Variants in SCAF8 observed in about 807,000 individuals in gnomAD.
SCAF8 encodes the protein SR-related CTD associated factor 8.
Under a neutral mutation model 140.5 loss-of-function variants are expected in SCAF8, and 23 were observed. That is an observed-to-expected ratio of 0.16 (90% confidence interval 0.12 to 0.23). The LOEUF (loss-of-function observed/expected upper bound fraction) is 0.23. Ranked by LOEUF, SCAF8 falls within the 10% of genes least tolerant of loss-of-function variation. SCAF8 has a pLI of 1.00. For missense variants in SCAF8, 1,397 were observed against 1,555.7 expected (o/e 0.90, Z 1.72); for synonymous variants, 575 against 528.9 (o/e 1.09, Z -1.20).
chr6:154,818,462 A>G lies in SCAF8; in HGVS notation c.1522-17A>G. 6.7e-7 allele frequency: 1 copy of G among 1,482,188 alleles called. No individual in the cohort carries two copies. Among genetic ancestry groups the G allele is most frequent in the Non-Finnish European group, 9.2e-7 (1 of 1,083,318 alleles). The allele number at this position is 1,482,188 out of a possible 1,614,324, so 91.8% of individuals were successfully genotyped here. A position where few individuals can be genotyped will look rare whatever the true frequency, so the allele number is the denominator to read the frequency against. ...TTCTGTTCTTATACCTTTTCTTAAA[A>G]CAATTTTTTTTATTAGATGATTCCT... On this transcript the variant is annotated splice_polypyrimidine_tract_variant and intron_variant, in intron 13 of 19. Coordinates refer to ENST00000367178, the MANE Select transcript of SCAF8 (RefSeq NM_014892.5).
intron 4 of SCAF8, among the ~76,000 whole-genome samples, chr6:154,792,610 T>C (rs962526682): frequency 6.6e-6 from 1 of 152,228 alleles, no homozygotes; most frequent in Non-Finnish European, 1.5e-5. Flanking sequence ...AGCTTTCATT[T>C]ACTTTGTACC....
In SCAF8 at chr6:154,795,040, T is replaced by C; in HGVS notation, c.507T>C (p.Asn169=). ...CTGTGACACCTGTTACTCCGGCCAA[T>C]GTGGTCCAAGGCTTACCTGATCCGT... ...GTPVTPVTPA[N]VVQGLPDPWV... The change falls in exon 6 of 20, where the codon AAT becomes AAC. Residue 169 remains asparagine (N), a synonymous_variant. Transcript: ENST00000367178. The C allele has an allele frequency of 6.2e-7, 1 of 1,610,916 alleles. No individual in the cohort carries two copies.
intron 1 of SCAF8, among the ~76,000 whole-genome samples, chr6:154,745,151 T>C (rs11964437): frequency 6.6e-6 from 1 of 152,220 alleles, no homozygotes; most frequent in Non-Finnish European, 1.5e-5. Context: ...AATCAATTGG[T>C]TACTCCTCTT....
rs200028925 is a variant in SCAF8, at chr6:154,801,957, T to A, written c.607-14T>A. 20 of 1,550,288 alleles carry A rather than the reference T, an allele frequency of 1.3e-5. No individual in the cohort carries two copies. Among genetic ancestry groups the A allele is most frequent in the African/African-American group, 5.6e-5 (4 of 71,766 alleles). ...CCAACACCTGTTTTGTAATATATAT[T>A]TTTTTCTCTCCAGCTTCAACAATTA... On this transcript the variant is annotated splice_polypyrimidine_tract_variant and intron_variant, in intron 6 of 19. Transcript: ENST00000367178.
intron 5 of SCAF8, among the ~76,000 whole-genome samples, chr6:154,794,701 G>A (rs954412455): frequency 2.1e-5 from 3 of 144,210 alleles, no homozygotes; most frequent in African/African-American, 7.7e-5. Context: ...AAGCATAAGT[G>A]GGGACACTAT....
At chr6:154,741,925 C>T (rs759510139) in intron 1 of SCAF8, 21 of 1,481,694 alleles carry the variant, frequency 1.4e-5, no homozygotes, top group Non-Finnish European at 1.5e-5. Context: ...GTTTTGTGTT[C>T]TCAACATCTT....
Position 154,824,447 on chromosome 6 carries a change from T to G in SCAF8, c.2071+69T>G, listed in dbSNP as rs1175924639. On this transcript the variant is annotated intron_variant, in intron 17 of 19. Coordinates refer to ENST00000367178, the MANE Select transcript of SCAF8 (RefSeq NM_014892.5). Reference sequence around the variant, plus strand: ...CATTTAAGTTGTGTTTCTTCCAGATTTAAGTACCATAGAGCAGTGGTTCTG... The same window carrying G: ...CATTTAAGTTGTGTTTCTTCCAGATGTAAGTACCATAGAGCAGTGGTTCTG... 4.3e-6 allele frequency: 6 copies of G among 1,405,358 alleles called. No individual in the cohort carries two copies. In the Admixed American group the frequency reaches 7.0e-5, roughly 16 times the overall value. 87.1% of individuals were successfully genotyped at this position (1,405,358 alleles called of 1,614,324 possible). A position where few individuals can be genotyped will look rare whatever the true frequency, so the allele number is the denominator to read the frequency against.
chr6:154,733,733 TCCCCGCCA>T lies in SCAF8; in HGVS notation c.-167_-160del. The T allele has an allele frequency of 7.5e-7, 1 of 1,327,010 alleles. No homozygotes were observed. Among genetic ancestry groups the T allele is most frequent in the Middle Eastern group, 2.8e-4 (1 of 3,536 alleles). 82.2% of individuals were successfully genotyped at this position (1,327,010 alleles called of 1,614,324 possible). ...GCCGCTCTGCCGCTGAGGGAGCCCTTCCCCGCCAGCGCGTGCCCTTCCACTCCGCCCCG... is the reference window on the plus strand; with the variant it reads ...GCCGCTCTGCCGCTGAGGGAGCCCTTGCGCGTGCCCTTCCACTCCGCCCCG... On this transcript the variant is annotated 5_prime_UTR_variant, in exon 1 of 20. Coordinates refer to ENST00000367178, the MANE Select transcript of SCAF8 (RefSeq NM_014892.5).
At chr6:154,753,445 C>T (rs1024441663) in intron 1 of SCAF8, among the ~76,000 whole-genome samples, 6 of 148,872 alleles carry the variant, frequency 4.0e-5, no homozygotes, top group East Asian at 2.0e-4. Context: ...CCAGCCTGGG[C>T]GACAGAGCAA....
chr6:154,798,110 C>T lies in SCAF8; in HGVS notation c.606+2971C>T, dbSNP rs747314205. ...GTACCTTGTTCTGGAGTATACAAGA[C>T]GAGCAAGAAACATTCTCGGGCCTCT... On this transcript the variant is annotated intron_variant, in intron 6 of 19. Transcript: ENST00000367178. 2.2e-4 allele frequency among the ~76,000 whole-genome samples: 33 copies of T among 151,086 alleles called. 1 individual carries two copies. Among genetic ancestry groups the T allele is most frequent in the Non-Finnish European group, 4.1e-4 (28 of 67,674 alleles).
chr6:154,818,722 T>C lies in SCAF8; in HGVS notation c.1635+130T>C, dbSNP rs926685522. ...TTGGATTATTAGAATGTCTCTGTAT[T>C]ATATTCTTTTTAAATGTTATGGACA... On this transcript the variant is annotated intron_variant, in intron 14 of 19. Coordinates refer to ENST00000367178, the MANE Select transcript of SCAF8 (RefSeq NM_014892.5). 27 of 429,976 alleles carry C rather than the reference T, an allele frequency of 6.3e-5. No individual in the cohort carries two copies. The Admixed American group carries it at 1.1e-3, about 17-fold the overall frequency. The allele number at this position is 429,976 out of a possible 1,614,324, so 26.6% of individuals were successfully genotyped here.
intron 4 of SCAF8, 57 bp from the exon 5 acceptor site, chr6:154,792,766 A>G: frequency 8.2e-7 from 1 of 1,226,334 alleles, no homozygotes; most frequent in East Asian, 2.6e-5. Context: ...CTATGAAATG[A>G]CTGTACTAAG....
At chr6:154,746,648 A>G (rs1019936034) in intron 1 of SCAF8, among the ~76,000 whole-genome samples, 1 of 152,186 alleles carries the variant, frequency 6.6e-6, no homozygotes, top group African/African-American at 2.4e-5. Flanking sequence ...GCTAAAGCAT[A>G]TATCTGTAAA....
intron 12 of SCAF8, 75 bp downstream of exon 12, chr6:154,810,283 AG>A: frequency 1.8e-6 from 2 of 1,106,102 alleles, no homozygotes; most frequent in Non-Finnish European, 2.5e-6. Context: ...AAAGTCTCTC[AG>A]CCAAATTTTA....
chr6:154,762,944 A>T (rs979607774), intron 1 of SCAF8, among the ~76,000 whole-genome samples: 3 of 152,128 alleles, frequency 2.0e-5, no homozygotes, highest in African/African-American at 2.4e-5. Flanking sequence ...GCAGCAGGTG[A>T]TGCACTAGTT....
At chr6:154,758,484 T>G (rs547229378) in intron 1 of SCAF8, among the ~76,000 whole-genome samples, 1 of 152,316 alleles carries the variant, frequency 6.6e-6, no homozygotes, top group South Asian at 2.1e-4. Flanking sequence ...TTGCTGTGCT[T>G]CTTTGGGTCT....
chr6:154,735,368 G>A (rs1031742139), intron 1 of SCAF8, among the ~76,000 whole-genome samples: 2 of 152,032 alleles, frequency 1.3e-5, no homozygotes, highest in African/African-American at 4.8e-5. Flanking sequence ...CAGTATTTGG[G>A]AATCTTAGCT....
chr6:154,735,523 T>TC (rs993410600), intron 1 of SCAF8, among the ~76,000 whole-genome samples: 1 of 150,536 alleles, frequency 6.6e-6, no homozygotes, highest in African/African-American at 2.4e-5. Context: ...AATCTTCTTT[T>TC]TTTTTTTTTT....
At chr6:154,775,468 G>A (rs1036227684) in intron 2 of SCAF8, among the ~76,000 whole-genome samples, 9 of 152,184 alleles carry the variant, frequency 5.9e-5, no homozygotes, top group African/African-American at 7.2e-5. Context: ...GTTGAGCAGA[G>A]TACTTTCTTA....
Sources: allele counts gnomAD v4.1 joint callset (sites outside exome capture counted in the v4.1 genomes callset), GRCh38; gene constraint gnomAD v4.1.1; transcripts MANE v1.5; gene names NCBI Gene and HGNC (gene_info 2026-07-23, HGNC 2026-07-21).